The following DPYSL2 variants were observed in gnomAD, a reference collection of about 807,000 sequenced individuals.
DPYSL2 encodes the protein dihydropyrimidinase like 2.
A neutral mutation model predicts 69.9 loss-of-function variants in DPYSL2; 13 were observed. That is an observed-to-expected ratio of 0.19 (90% CI 0.12 to 0.30). DPYSL2 has a LOEUF of 0.30. Ranked by LOEUF, DPYSL2 falls within the 10% of genes least tolerant of loss-of-function variation. The pLI is 1.00. For missense variants in DPYSL2, 587 were observed against 918.9 expected, an observed-to-expected ratio of 0.64 and a Z score of 4.67; for synonymous variants, 326 against 359.1, an observed-to-expected ratio of 0.91 and a Z score of 1.04.
chr8:26,549,742 A>G (rs1800842266), intron 1 of DPYSL2, among the ~76,000 whole-genome samples: 1 of 152,234 alleles, frequency 6.6e-6, no homozygotes, highest in African/African-American at 2.4e-5. Flanking sequence ...GACCCATACA[A>G]GCAAGAAGAG....
At chr8:26,568,930 A>C (rs1347534489) in intron 1 of DPYSL2, among the ~76,000 whole-genome samples, 1 of 122,460 alleles carries the variant, frequency 8.2e-6, no homozygotes, top group Non-Finnish European at 1.9e-5. Context: ...AGCTTTGTGA[A>C]TGTGAGGCTT....
At chr8:26,572,595 G>C (rs1471522337) in intron 1 of DPYSL2, among the ~76,000 whole-genome samples, 1 of 152,152 alleles carries the variant, frequency 6.6e-6, no homozygotes, top group Non-Finnish European at 1.5e-5. Context: ...CGTTTCCCAG[G>C]TTCAAGTGAT....
rs151250677 is a variant in DPYSL2 at position 26,581,663 on chromosome 8, C to T, written c.355-306C>T. On this transcript the variant is annotated intron_variant, in intron 1 of 13. Coordinates refer to ENST00000521913, the MANE Select transcript of DPYSL2 (RefSeq NM_001197293.3). ...TGCTGGGATTACAGGCATGAGCCAC[C>T]GTGCCCGGCCCTATCTTCTTTATAT... Among the ~76,000 whole-genome samples, 658 of 152,076 alleles carry T rather than the reference C, an allele frequency of 4.3e-3. 8 individuals carry two copies. The highest frequency in any genetic ancestry group is 0.015 in the African/African-American group (640 of 41,500).
chr8:26,581,532 C>T (rs1327789501), intron 1 of DPYSL2, among the ~76,000 whole-genome samples: 1 of 151,906 alleles, frequency 6.6e-6, no homozygotes, highest in Non-Finnish European at 1.5e-5. Flanking sequence ...ACCACCATGC[C>T]CAGCCCATTT....
In DPYSL2 at chr8:26,551,972, C is replaced by G. The variant is rs571198499; in HGVS notation, c.355-29997C>G. 2.6e-5 allele frequency among the ~76,000 whole-genome samples: 4 copies of G among 152,192 alleles called. No homozygotes were observed. In the East Asian group the frequency reaches 5.8e-4, roughly 22 times the overall value. On this transcript the variant is annotated intron_variant, in intron 1 of 13. Transcript: ENST00000521913. Reference sequence around the variant, plus strand: ...GGGACCACAGAGGCATGCTACCATGCCTGGCTAATTTTTAAATTTTTTATA... The same window carrying G: ...GGGACCACAGAGGCATGCTACCATGGCTGGCTAATTTTTAAATTTTTTATA...
chr8:26,647,767 C>A lies in DPYSL2; in HGVS notation c.1563C>A (p.Ser521Arg), dbSNP rs151050891. Residue 521 changes from serine (S) to arginine (R), a missense_variant, in exon 11 of 14, where the codon AGC becomes AGA. Ser to Arg is a moderately radical substitution (Grantham distance 110, BLOSUM62 -1). Around this residue, in one of 3 missense-constraint regions of DPYSL2, gnomAD observed 452 missense variants for 754.3 expected, o/e 0.60. Transcript: ENST00000521913. The surrounding 1 kb of genome is among the most constrained non-coding windows in gnomAD (Gnocchi z 5.1). ...DADLVIWDPD[S>R]VKTISAKTHN... Reference sequence around the variant, plus strand: ...ACCTGGTCATCTGGGACCCCGACAGCGTTAAAACCATCTCTGCCAAGACAC... The same window carrying A: ...ACCTGGTCATCTGGGACCCCGACAGAGTTAAAACCATCTCTGCCAAGACAC... The A allele has an allele frequency of 1.2e-6, 2 of 1,613,720 alleles. No homozygotes were observed. The highest frequency in any genetic ancestry group is 4.5e-5 in the East Asian group (2 of 44,882).
In DPYSL2 at chr8:26,650,291, G is replaced by C. The variant is rs1055711117; in HGVS notation, c.1597-1966G>C. Among the ~76,000 whole-genome samples the C allele has an allele frequency of 6.6e-6, 1 of 152,224 alleles. No individual in the cohort carries two copies. The highest frequency in any genetic ancestry group is 2.4e-5 in the African/African-American group (1 of 41,466). Reference sequence around the variant, plus strand: ...ATACCTGGGGTGTGAACCCAGGGCAGATGTCTCCATGGCCGAGGCTGCGCC... The same window carrying C: ...ATACCTGGGGTGTGAACCCAGGGCACATGTCTCCATGGCCGAGGCTGCGCC... On this transcript the variant is annotated intron_variant, in intron 11 of 13. Coordinates refer to ENST00000521913, the MANE Select transcript of DPYSL2 (RefSeq NM_001197293.3). The surrounding 1 kb of genome is among the most constrained non-coding windows in gnomAD (Gnocchi z 5.3).
chr8:26,579,963 C>CCCT (rs1554538903), intron 1 of DPYSL2, among the ~76,000 whole-genome samples: 1 of 150,326 alleles, frequency 6.7e-6, no homozygotes, highest in African/African-American at 2.5e-5. Flanking sequence ...CGCCCCCCCC[C>CCCT]CCACACCCTT....
intron 1 of DPYSL2, among the ~76,000 whole-genome samples, chr8:26,569,969 A>G (rs1801212555): frequency 6.6e-6 from 1 of 152,144 alleles, no homozygotes; most frequent in Admixed American, 6.5e-5. Context: ...CTTTAGGAGG[A>G]TCAGTTGAGG....
At position 26,610,871 on chromosome 8, in the gene DPYSL2, T is replaced by C. The variant is rs1802208375; in HGVS notation, c.629-13272T>C. Among the ~76,000 whole-genome samples the C allele has an allele frequency of 6.6e-6, 1 of 152,204 alleles. No homozygotes were observed. The highest frequency in any genetic ancestry group is 1.5e-5 in the Non-Finnish European group (1 of 68,034). ...GTTCGTAGATACTATTTCAGAACAA[T>C]GCTGTGAGTAGATACTATTATTAGG... On this transcript the variant is annotated intron_variant, in intron 3 of 13. Coordinates refer to ENST00000521913, the MANE Select transcript of DPYSL2 (RefSeq NM_001197293.3). This position sits in a 1 kb window ranked among gnomAD's most constrained non-coding sequence, Gnocchi z 4.5.
rs1447497119 is a variant in DPYSL2 at position 26,640,252 on chromosome 8, A to T, written c.1127-3187A>T. Reference sequence around the variant, plus strand: ...CACACGGGCCCCAGACTGGTTGTAAATAAGCACCAGCTCCCATCCCCTGCA... The same window carrying T: ...CACACGGGCCCCAGACTGGTTGTAATTAAGCACCAGCTCCCATCCCCTGCA... On this transcript the variant is annotated intron_variant, in intron 8 of 13. Coordinates refer to ENST00000521913, the MANE Select transcript of DPYSL2 (RefSeq NM_001197293.3). The surrounding 1 kb of genome is among the most constrained non-coding windows in gnomAD (Gnocchi z 4.2). Among the ~76,000 whole-genome samples the T allele has an allele frequency of 6.6e-6, 1 of 152,216 alleles. No homozygotes were observed. Among genetic ancestry groups the T allele is most frequent in the Admixed American group, 6.5e-5 (1 of 15,278 alleles).
At position 26,643,397 on chromosome 8, in the gene DPYSL2, C is replaced by G. The variant is rs750802287; in HGVS notation, c.1127-42C>G. On this transcript the variant is annotated intron_variant, in intron 8 of 13. Coordinates refer to ENST00000521913, the MANE Select transcript of DPYSL2 (RefSeq NM_001197293.3). This position sits in a 1 kb window ranked among gnomAD's most constrained non-coding sequence, Gnocchi z 6.5. ...CCTCATAGGGGTGGTTCCCTTCCCC[C>G]TGCATTGTGTTGGACTGAACCTTGT... 1.3e-6 allele frequency: 2 copies of G among 1,536,692 alleles called. No homozygotes were observed. Among genetic ancestry groups the G allele is most frequent in the Admixed American group, 2.1e-5 (1 of 48,380 alleles).
At chr8:26,555,956 G>T (rs1800938937) in intron 1 of DPYSL2, among the ~76,000 whole-genome samples, 1 of 119,710 alleles carries the variant, frequency 8.4e-6, no homozygotes, top group Admixed American at 1.2e-4. Context: ...ACATATACAT[G>T]TATTATATAT....
intron 1 of DPYSL2, among the ~76,000 whole-genome samples, chr8:26,536,610 G>C (rs1162175186): frequency 6.6e-6 from 1 of 152,170 alleles, no homozygotes; most frequent in Non-Finnish European, 1.5e-5. Flanking sequence ...GGCGGAGGTT[G>C]CAGTGAGCCG....
rs913353504 is a variant in DPYSL2 at position 26,652,197 on chromosome 8, C to T, written c.1597-60C>T. 7.9e-6 allele frequency: 12 copies of T among 1,514,148 alleles called. No individual in the cohort carries two copies. The highest frequency in any genetic ancestry group is 2.8e-5 in the African/African-American group (2 of 72,230). 93.8% of individuals were successfully genotyped at this position (1,514,148 alleles called of 1,614,324 possible). A position where few individuals can be genotyped will look rare whatever the true frequency, so the allele number is the denominator to read the frequency against. On this transcript the variant is annotated intron_variant, in intron 11 of 13. Transcript: ENST00000521913. The surrounding 1 kb of genome is among the most constrained non-coding windows in gnomAD (Gnocchi z 6.3). ...GTGGGGTTGGGGCAGTGGGTGCTGCCGGGTGGATTGAGTCCAGCCAGAGTG... is the reference window on the plus strand; with the variant it reads ...GTGGGGTTGGGGCAGTGGGTGCTGCTGGGTGGATTGAGTCCAGCCAGAGTG...
chr8:26,515,430 G>A (rs925158567), intron 1 of DPYSL2, among the ~76,000 whole-genome samples: 6 of 152,330 alleles, frequency 3.9e-5, no homozygotes, highest in South Asian at 4.1e-4. Context: ...GAACTAAGTG[G>A]ATTATGTTCA....
chr8:26,652,137 C>T lies in DPYSL2; in HGVS notation c.1597-120C>T. On this transcript the variant is annotated intron_variant, in intron 11 of 13. Transcript: ENST00000521913. This position sits in a 1 kb window ranked among gnomAD's most constrained non-coding sequence, Gnocchi z 6.3. ...TGCCTGCTGGGGTGCCCAGTTGGGA[C>T]AGGATCCCTGTCTCTGAGTCTCTCT... 1 of 966,994 alleles carries T rather than the reference C, an allele frequency of 1.0e-6. No individual in the cohort carries two copies. The highest frequency in any genetic ancestry group is 1.7e-5 in the African/African-American group (1 of 60,206). 59.9% of individuals were successfully genotyped at this position (966,994 alleles called of 1,614,324 possible). A position where few individuals can be genotyped will look rare whatever the true frequency, so the allele number is the denominator to read the frequency against.
rs1053299812 is a variant in DPYSL2 at position 26,582,636 on chromosome 8, A to G, written c.443+579A>G. Among the ~76,000 whole-genome samples the G allele has an allele frequency of 2.0e-5, 3 of 152,230 alleles. No homozygotes were observed. Among genetic ancestry groups the G allele is most frequent in the African/African-American group, 7.2e-5 (3 of 41,460 alleles). ...TGTGTTAATGTTACAAAGGAGAAGC[A>G]ACAGGGCAGTTCCTGAGTTTGGGTA... On this transcript the variant is annotated intron_variant, in intron 2 of 13. Transcript: ENST00000521913. The surrounding 1 kb of genome is among the most constrained non-coding windows in gnomAD (Gnocchi z 4.1).
At chr8:26,578,216 A>T (rs1267575354) in intron 1 of DPYSL2, 1 of 1,613,466 alleles carries the variant, frequency 6.2e-7, no homozygotes, top group Non-Finnish European at 8.5e-7. Context: ...TTTTGCCTTA[A>T]AGCTGCCCTC....
Sources: allele counts gnomAD v4.1 joint callset (sites outside exome capture counted in the v4.1 genomes callset), GRCh38; gene constraint gnomAD v4.1.1; regional missense constraint gnomAD v4.1.1; non-coding constraint Gnocchi (gnomAD v3.1); transcripts MANE v1.5; gene names NCBI Gene and HGNC (gene_info 2026-07-23, HGNC 2026-07-21).